Variants in GRM3 observed in about 807,000 individuals in gnomAD.
GRM3 encodes glutamate metabotropic receptor 3, also known as metabotropic glutamate receptor 3.
GRM3 carries 26 observed loss-of-function variants against 70.5 expected under a neutral mutation model. That is an observed-to-expected ratio of 0.37 (90% CI 0.27 to 0.51). GRM3 has a LOEUF of 0.51. GRM3 is among the 20% of genes least tolerant of loss of function. The pLI is 0.93. For synonymous variants in GRM3, 443 were observed against 434.9 expected, an observed-to-expected ratio of 1.02 and a Z score of -0.23; for missense variants, 859 against 1,123.8, an observed-to-expected ratio of 0.76 and a Z score of 3.37.
chr7:86,785,236 G>A (rs764373633), intron 2 of GRM3, among the ~76,000 whole-genome samples: 5 of 152,292 alleles, frequency 3.3e-5, no homozygotes, highest in South Asian at 4.1e-4. Flanking sequence ...ACTCTCCTAC[G>A]TGAGGTAGAC....
intron 3 of GRM3, among the ~76,000 whole-genome samples, chr7:86,792,069 A>T (rs1249201706): frequency 6.6e-6 from 1 of 152,244 alleles, no homozygotes; most frequent in Non-Finnish European, 1.5e-5. Context: ...TATGCAATAC[A>T]GTTAAGAAAA....
chr7:86,698,176 G>A (rs963314873), intron 1 of GRM3, among the ~76,000 whole-genome samples: 1 of 151,984 alleles, frequency 6.6e-6, no homozygotes. Context: ...CAACTGAACT[G>A]GGGGATTTAC....
intron 1 of GRM3, 124 bp from the exon 2 acceptor site, chr7:86,764,881 TG>T: frequency 2.1e-6 from 1 of 468,072 alleles, no homozygotes; most frequent in Non-Finnish European, 3.6e-6. Flanking sequence ...CCTGGTGCTG[TG>T]GTGTACTGTG....
chr7:86,791,239 A>G (rs1281102593), intron 3 of GRM3, among the ~76,000 whole-genome samples: 1 of 152,208 alleles, frequency 6.6e-6, no homozygotes, highest in East Asian at 1.9e-4. Flanking sequence ...CATTATGTAA[A>G]TGTTTACCAA....
rs907756900 is a variant in GRM3 at position 86,827,973 on chromosome 7, G to A, written c.1325-10866G>A. Among the ~76,000 whole-genome samples the A allele has an allele frequency of 7.9e-5, 12 of 151,948 alleles. No individual in the cohort carries two copies. In the East Asian group the frequency reaches 1.2e-3, roughly 15 times the overall value. On this transcript the variant is annotated intron_variant, in intron 3 of 5. Coordinates refer to ENST00000361669, the MANE Select transcript of GRM3 (RefSeq NM_000840.3). ...TAAAAATACAAAAAATTAGCTGGGC[G>A]TGGTGGCAGGCACCTGTAGTCCCAG...
chr7:86,764,922 C>T, intron 1 of GRM3, 84 bp from the exon 2 acceptor site: 1 of 918,592 alleles, frequency 1.1e-6, no homozygotes, highest in Admixed American at 3.5e-5. Flanking sequence ...TGAGTCATCC[C>T]ATTAAAGGTC....
rs2116736670 is a variant in GRM3 at position 86,839,339 on chromosome 7, G to A, written c.1825G>A (p.Ala609Thr). ...GCACAACAACACACCCTTGGTCAAAGCATCGGGCCGAGAACTCTGCTACAT... is the reference window on the plus strand; with the variant it reads ...GCACAACAACACACCCTTGGTCAAAACATCGGGCCGAGAACTCTGCTACAT... ...IKHNNTPLVKASGRELCYILL... is the reference protein window; with the variant it reads ...IKHNNTPLVKTSGRELCYILL... Residue 609 changes from alanine to threonine, a missense_variant, in exon 4 of 6, where the codon GCA becomes ACA. By Grantham distance (58) the Ala-to-Thr change is moderately conservative. Coordinates refer to ENST00000361669, the MANE Select transcript of GRM3 (RefSeq NM_000840.3). This position sits in a 1 kb window ranked among gnomAD's most constrained non-coding sequence, Gnocchi z 4.5. 2 of 1,614,030 alleles carry A rather than the reference G, an allele frequency of 1.2e-6. No homozygotes were observed. The highest frequency in any genetic ancestry group is 1.7e-6 in the Non-Finnish European group (2 of 1,179,962).
chr7:86,719,993 G>A (rs1428792523), intron 1 of GRM3, among the ~76,000 whole-genome samples: 1 of 151,920 alleles, frequency 6.6e-6, no homozygotes, highest in African/African-American at 2.4e-5. Context: ...AAGTCAGCAA[G>A]CACCAGATCT....
intron 1 of GRM3, among the ~76,000 whole-genome samples, chr7:86,681,976 G>A (rs780963851): frequency 3.3e-5 from 5 of 152,158 alleles, no homozygotes; most frequent in African/African-American, 4.8e-5. Context: ...GATCAGTTAC[G>A]TTGCCTAAAG....
intron 1 of GRM3, among the ~76,000 whole-genome samples, chr7:86,694,932 C>T (rs1299531962): frequency 6.6e-6 from 1 of 152,154 alleles, no homozygotes; most frequent in Non-Finnish European, 1.5e-5. Context: ...CAGAGCACTT[C>T]TGTTGGGTAA....
intron 1 of GRM3, among the ~76,000 whole-genome samples, chr7:86,662,867 T>C (rs1040122727): frequency 1.3e-5 from 2 of 151,900 alleles, no homozygotes; most frequent in African/African-American, 2.4e-5. Context: ...AAATGTAGTA[T>C]GAATTTTTAA....
chr7:86,746,369 AT>A (rs1796105615), intron 1 of GRM3, among the ~76,000 whole-genome samples: 1 of 142,366 alleles, frequency 7.0e-6, no homozygotes, highest in Admixed American at 7.0e-5. Flanking sequence ...ATATATATAT[AT>A]ATATAATCAC....
Position 86,786,458 on chromosome 7 carries a change from C to G in GRM3, c.666C>G (p.Tyr222Ter), listed in dbSNP as rs778623586. The G allele has an allele frequency of 1.2e-6, 2 of 1,614,242 alleles. No homozygotes were observed. Among genetic ancestry groups the G allele is most frequent in the Non-Finnish European group, 1.7e-6 (2 of 1,180,042 alleles). The change falls in exon 3 of 6, where the codon TAC (tyrosine) becomes TAG (stop). Residue 222 changes from tyrosine (Y) to a stop codon, truncating the protein, a stop_gained. Coordinates refer to ENST00000361669, the MANE Select transcript of GRM3 (RefSeq NM_000840.3). LOFTEE classifies it high-confidence loss of function. This position sits in a 1 kb window ranked among gnomAD's most constrained non-coding sequence, Gnocchi z 6.0. ...YVSTVASEGD[Y>*]GETGIEAFEQ... The stretch of plus-strand genomic sequence containing the variant: ...CCACAGTAGCCTCCGAGGGTGATTA[C>G]GGGGAGACAGGGATCGAGGCCTTCG...
chr7:86,696,255 G>C (rs1342740493), intron 1 of GRM3, among the ~76,000 whole-genome samples: 1 of 152,142 alleles, frequency 6.6e-6, no homozygotes, highest in Non-Finnish European at 1.5e-5. Flanking sequence ...AAGAAAGAGT[G>C]ATGGGAGATT....
chr7:86,700,961 A>C (rs1314393441), intron 1 of GRM3, among the ~76,000 whole-genome samples: 1 of 151,940 alleles, frequency 6.6e-6, no homozygotes, highest in African/African-American at 2.4e-5. Context: ...TGTAATTTTA[A>C]TGAAAGTCTA....
At chr7:86,718,648 T>G (rs1795379789) in intron 1 of GRM3, among the ~76,000 whole-genome samples, 1 of 151,890 alleles carries the variant, frequency 6.6e-6, no homozygotes. Context: ...CAAGTCTGCA[T>G]AGTGGGAGAG....
intron 1 of GRM3, among the ~76,000 whole-genome samples, chr7:86,757,819 T>C (rs1584219302): frequency 1.3e-5 from 2 of 152,316 alleles, no homozygotes; most frequent in African/African-American, 4.8e-5. Context: ...TCATATTTTT[T>C]CTACAATTTT....
At chr7:86,773,279 C>T (rs969748273) in intron 2 of GRM3, among the ~76,000 whole-genome samples, 2 of 151,944 alleles carry the variant, frequency 1.3e-5, no homozygotes, top group Non-Finnish European at 2.9e-5. Flanking sequence ...TAAGAAAATA[C>T]ATGAAAAGTG....
At chr7:86,767,859 T>A (rs1796646281) in intron 2 of GRM3, among the ~76,000 whole-genome samples, 1 of 152,010 alleles carries the variant, frequency 6.6e-6, no homozygotes, top group African/African-American at 2.4e-5. Context: ...CTGGAAGAAG[T>A]CAGACTAGTT....
Sources: allele counts gnomAD v4.1 joint callset (sites outside exome capture counted in the v4.1 genomes callset), GRCh38; gene constraint gnomAD v4.1.1; non-coding constraint Gnocchi (gnomAD v3.1); transcripts MANE v1.5; gene names NCBI Gene and HGNC (gene_info 2026-07-23, HGNC 2026-07-21).